Variants in HMG20A observed in about 807,000 individuals in gnomAD.
The protein encoded by HMG20A is high mobility group 20A.
A neutral mutation model predicts 43.9 loss-of-function variants in HMG20A; 17 were observed. That is an observed-to-expected ratio of 0.39 (90% CI 0.27 to 0.58). The LOEUF (loss-of-function observed/expected upper bound fraction) is 0.58. Among genes scored for constraint, HMG20A ranks in the 20% least tolerant of loss-of-function variants. HMG20A has a pLI of 0.59. For synonymous variants in HMG20A, 132 were observed against 147.5 expected (o/e 0.89, Z 0.76); for missense variants, 341 against 438.2 (o/e 0.78, Z 1.98).
the HMG20A span, among the ~76,000 whole-genome samples, chr15:77,514,404 A>T: frequency 6.6e-6 from 1 of 152,262 alleles, no homozygotes. Flanking sequence ...GTACTGCCAG[A>T]AAGGCACATA....
chr15:77,467,588 A>G (rs1446476511), intron 4 of HMG20A, among the ~76,000 whole-genome samples: 1 of 152,240 alleles, frequency 6.6e-6, no homozygotes, highest in East Asian at 1.9e-4. Context: ...TAAGTGGTTC[A>G]GTATTAAGAA....
the HMG20A span, among the ~76,000 whole-genome samples, chr15:77,492,032 C>T: frequency 1.1e-4 from 17 of 152,206 alleles, no homozygotes; most frequent in Admixed American, 2.6e-4. Flanking sequence ...TTTTCTGCCA[C>T]GAGCTGCTTT....
chr15:77,467,774 A>G (rs1436640791), intron 4 of HMG20A, among the ~76,000 whole-genome samples: 2 of 152,230 alleles, frequency 1.3e-5, no homozygotes, highest in African/African-American at 2.4e-5. Context: ...AAATAAAGCA[A>G]GAACAACTTG....
intron 1 of HMG20A, among the ~76,000 whole-genome samples, chr15:77,426,093 T>G (rs2073424836): frequency 6.6e-6 from 1 of 152,280 alleles, no homozygotes; most frequent in South Asian, 2.1e-4. Flanking sequence ...GAAAGTACAT[T>G]AGTGGATGGG....
In HMG20A at chr15:77,422,389, G is replaced by C. The variant is rs544964782; in HGVS notation, c.-5+1385G>C. The stretch of plus-strand genomic sequence containing the variant: ...TCACAGCACTTTGGGAGGCCTAGGC[G>C]GGCAGATCACGAGGTCAGGAGTTCG... On this transcript the variant is annotated intron_variant, in intron 1 of 9. Transcript: ENST00000336216. Among the ~76,000 whole-genome samples, 72 of 152,246 alleles carry C rather than the reference G, an allele frequency of 4.7e-4. 2 individuals are homozygous for C. In the South Asian group the frequency reaches 0.013, roughly 28 times the overall value.
chr15:77,459,876 G>T (rs181042431), intron 2 of HMG20A, among the ~76,000 whole-genome samples: 1 of 152,212 alleles, frequency 6.6e-6, no homozygotes, highest in Non-Finnish European at 1.5e-5. Context: ...GAGAATGCCA[G>T]TTCTGCTGGT....
rs764662673 is a variant in HMG20A, at chr15:77,479,331, C to T, written c.*6+10C>T. ...CGATCGTTAGGGAATGGTGAGTGCT[C>T]ACTGATAAATATTTATATGCCAGCA... On this transcript the variant is annotated intron_variant, in intron 9 of 9. Transcript: ENST00000336216. 1.2e-6 allele frequency: 2 copies of T among 1,611,268 alleles called. No individual in the cohort carries two copies. The highest frequency in any genetic ancestry group is 8.5e-7 in the Non-Finnish European group (1 of 1,178,794).
At chr15:77,425,487 C>T (rs2073417240) in intron 1 of HMG20A, among the ~76,000 whole-genome samples, 1 of 152,144 alleles carries the variant, frequency 6.6e-6, no homozygotes, top group Non-Finnish European at 1.5e-5. Context: ...AATAGTAAGT[C>T]ATCATTCTCT....
At chr15:77,481,430 G>T (rs1023066898) in intron 9 of HMG20A, among the ~76,000 whole-genome samples, 1 of 152,202 alleles carries the variant, frequency 6.6e-6, no homozygotes, top group Non-Finnish European at 1.5e-5. Flanking sequence ...GGCTTGAAAA[G>T]TGAGAGCTGG....
downstream of HMG20A, among the ~76,000 whole-genome samples, chr15:77,489,032 T>G (rs1567411350): frequency 3.3e-5 from 5 of 152,226 alleles, no homozygotes; most frequent in Non-Finnish European, 1.5e-5. Flanking sequence ...ACTGTATGAC[T>G]TAAGTTTTCT....
intron 1 of HMG20A, among the ~76,000 whole-genome samples, chr15:77,425,744 C>A (rs948892883): frequency 1.3e-5 from 2 of 152,098 alleles, no homozygotes; most frequent in African/African-American, 4.8e-5. Context: ...ATTTTTATAT[C>A]AAATATTTGG....
chr15:77,474,666 A>G (rs182304069), intron 6 of HMG20A, among the ~76,000 whole-genome samples: 1 of 152,324 alleles, frequency 6.6e-6, no homozygotes, highest in African/African-American at 2.4e-5. Flanking sequence ...TGGATCCCTA[A>G]GTCATTGTTA....
At chr15:77,490,693 G>C in the HMG20A span, among the ~76,000 whole-genome samples, 2 of 152,116 alleles carry the variant, frequency 1.3e-5, no homozygotes, top group African/African-American at 4.8e-5. Flanking sequence ...AGTTTTTTTG[G>C]CTTGGAAAAC....
chr15:77,478,620 G>A (rs980217399), intron 8 of HMG20A, 110 bp downstream of exon 8: 4 of 796,256 alleles, frequency 5.0e-6, no homozygotes, highest in Admixed American at 5.0e-5. Context: ...TCCTCCAGAG[G>A]AAAATTAATT....
intron 4 of HMG20A, among the ~76,000 whole-genome samples, chr15:77,470,568 C>T (rs1171385337): frequency 6.6e-6 from 1 of 152,142 alleles, no homozygotes; most frequent in African/African-American, 2.4e-5. Flanking sequence ...ATGAGGATGA[C>T]TCTAGTGGCC....
chr15:77,510,903 T>A, the HMG20A span, among the ~76,000 whole-genome samples: 1 of 152,248 alleles, frequency 6.6e-6, no homozygotes, highest in African/African-American at 2.4e-5. Context: ...TTCTTCAAGA[T>A]CCAGCCCTGT....
the HMG20A span, among the ~76,000 whole-genome samples, chr15:77,497,928 T>C: frequency 6.6e-6 from 1 of 151,668 alleles, no homozygotes; most frequent in African/African-American, 2.4e-5. Context: ...ACAATGCCCT[T>C]CTCTCTCTGG....
intron 2 of HMG20A, among the ~76,000 whole-genome samples, chr15:77,461,492 G>A (rs1050385112): frequency 4.6e-5 from 7 of 152,206 alleles, no homozygotes; most frequent in African/African-American, 1.7e-4. Flanking sequence ...ATCTGCCCCT[G>A]AGTAGGCAAG....
chr15:77,460,165 T>A (rs1034265249), intron 2 of HMG20A, among the ~76,000 whole-genome samples: 8 of 152,164 alleles, frequency 5.3e-5, no homozygotes, highest in Admixed American at 2.0e-4. Context: ...TCTGGTGACT[T>A]TCACAAGAGT....
Sources: gnomAD v4.1 joint callset for allele counts (sites outside exome capture counted in the v4.1 genomes callset) on GRCh38, gnomAD v4.1.1 for gene constraint, MANE v1.5 for transcripts, NCBI Gene and HGNC (gene_info 2026-07-23, HGNC 2026-07-21) for gene names.